The following SPIDR variants were observed in gnomAD, a reference collection of about 807,000 sequenced individuals.
SPIDR encodes the protein scaffold protein involved in DNA repair.
A neutral mutation model predicts 104.6 loss-of-function variants in SPIDR; 93 were observed. The observed-to-expected ratio is 0.89, with a 90% CI of 0.75 to 1.06. The LOEUF is 1.06. Among genes scored for constraint, SPIDR ranks in the 50% least tolerant of loss-of-function variants. The pLI is 0.00. For missense variants in SPIDR, 1,154 were observed against 1,111.2 expected (o/e 1.04, Z -0.55); for synonymous variants, 431 against 416.9 (o/e 1.03, Z -0.41).
chr8:47,446,419 A>G (rs1554701770), intron 8 of SPIDR, among the ~76,000 whole-genome samples: 1 of 152,064 alleles, frequency 6.6e-6, no homozygotes, highest in Non-Finnish European at 1.5e-5. Flanking sequence ...TTAAAATACT[A>G]CCCCTCATTG....
chr8:47,500,785 G>T (rs1005418391), intron 8 of SPIDR, among the ~76,000 whole-genome samples: 117 of 152,198 alleles, frequency 7.7e-4, no homozygotes, highest in African/African-American at 2.5e-3. Flanking sequence ...GGTCTAACAT[G>T]TAAGTCTTTA....
chr8:47,277,920 G>A (rs2036883436), intron 1 of SPIDR, among the ~76,000 whole-genome samples: 2 of 151,800 alleles, frequency 1.3e-5, no homozygotes, highest in African/African-American at 2.4e-5. Flanking sequence ...TGATTCGCCC[G>A]CCTTGGCCTC....
chr8:47,686,527 C>G (rs1209944147), intron 11 of SPIDR, among the ~76,000 whole-genome samples: 3 of 151,982 alleles, frequency 2.0e-5, no homozygotes, highest in African/African-American at 7.2e-5. Context: ...TTCATTTTAC[C>G]TTCAAACTAG....
intron 8 of SPIDR, among the ~76,000 whole-genome samples, chr8:47,483,128 G>GT (rs1351701761): frequency 3.3e-4 from 47 of 143,050 alleles, no homozygotes; most frequent in African/African-American, 5.0e-4. Flanking sequence ...TAGCTACTTG[G>GT]TTTTTTTTTG....
intron 8 of SPIDR, among the ~76,000 whole-genome samples, chr8:47,552,403 T>C (rs925107777): frequency 3.9e-5 from 6 of 152,124 alleles, no homozygotes; most frequent in African/African-American, 1.4e-4. Context: ...TGTGTGGGAG[T>C]CTAAGTCTCT....
chr8:47,315,548 C>T (rs1441198510), intron 5 of SPIDR, among the ~76,000 whole-genome samples: 4 of 151,992 alleles, frequency 2.6e-5, no homozygotes, highest in African/African-American at 4.8e-5. Flanking sequence ...CTGATTATAA[C>T]GTTTATATGA....
At chr8:47,360,267 A>G (rs1490814773) in intron 5 of SPIDR, among the ~76,000 whole-genome samples, 3 of 150,530 alleles carry the variant, frequency 2.0e-5, no homozygotes, top group Admixed American at 1.3e-4. Flanking sequence ...AAAAAAAAAA[A>G]AAAAGAAATA....
intron 10 of SPIDR, chr8:47,659,596 CCCCCGCCCCCAATGCGT>C (rs1445456044): frequency 2.6e-5 from 4 of 151,612 alleles, no homozygotes; most frequent in East Asian, 2.0e-4. Flanking sequence ...GTGGGCGAGG[CCCCCGCCCCCAATGCGT>C]CCCCGCCCCC....
At chr8:47,330,831 G>T (rs782794841) in intron 5 of SPIDR, 2 of 455,948 alleles carry the variant, frequency 4.4e-6, no homozygotes, top group East Asian at 6.9e-5. Context: ...GGAAGTTTCC[G>T]TGTGGAGATA....
chr8:47,297,473 A>G (rs2041082851), intron 5 of SPIDR, among the ~76,000 whole-genome samples: 1 of 151,678 alleles, frequency 6.6e-6, no homozygotes, highest in Non-Finnish European at 1.5e-5. Flanking sequence ...TTTTATTATT[A>G]TACTTTAAGT....
At chr8:47,700,541 G>C (rs1472243984) in intron 12 of SPIDR, 51 bp downstream of exon 12, 1 of 1,588,026 alleles carries the variant, frequency 6.3e-7, no homozygotes, top group Non-Finnish European at 8.6e-7. Context: ...CTCCATGCCA[G>C]GTGCCAAGCC....
At chr8:47,289,386 C>T (rs1049361505) in intron 3 of SPIDR, among the ~76,000 whole-genome samples, 31 of 151,746 alleles carry the variant, frequency 2.0e-4, no homozygotes, top group Admixed American at 1.8e-3. Context: ...TATCAAATAC[C>T]ATACTGCATA....
rs78396026 is a variant in SPIDR at position 47,373,341 on chromosome 8, A to T, written c.526-23035A>T. ...TATTAAACATTTCTGATCCAAGCAA[A>T]GTTTTACTTATAGTGTGGAGAAAAT... On this transcript the variant is annotated intron_variant, in intron 5 of 19. Coordinates refer to ENST00000297423, the MANE Select transcript of SPIDR (RefSeq NM_001080394.4). Among the ~76,000 whole-genome samples, 429 of 152,298 alleles carry T rather than the reference A, an allele frequency of 2.8e-3. 3 individuals carry two copies. Among genetic ancestry groups the T allele is most frequent in the East Asian group, 0.018 (95 of 5,182 alleles).
chr8:47,265,069 A>C (rs560597847), intron 1 of SPIDR, among the ~76,000 whole-genome samples: 2 of 151,864 alleles, frequency 1.3e-5, no homozygotes, highest in Non-Finnish European at 2.9e-5. Flanking sequence ...AAATTCTCAT[A>C]GTTATCTTGG....
At chr8:47,653,142 C>T (rs2071997974) in intron 10 of SPIDR, among the ~76,000 whole-genome samples, 1 of 152,162 alleles carries the variant, frequency 6.6e-6, no homozygotes, top group Admixed American at 6.5e-5. Context: ...GGTTTACAGG[C>T]TTTATTCCCT....
intron 11 of SPIDR, among the ~76,000 whole-genome samples, chr8:47,684,099 C>G (rs531325733): frequency 2.1e-5 from 3 of 140,736 alleles, no homozygotes; most frequent in Non-Finnish European, 3.0e-5. Flanking sequence ...TGCACTCCAG[C>G]CTGGGTGACA....
intron 6 of SPIDR, among the ~76,000 whole-genome samples, chr8:47,399,879 A>C (rs945638643): frequency 1.3e-5 from 2 of 152,158 alleles, no homozygotes; most frequent in African/African-American, 4.8e-5. Flanking sequence ...TAACGCTACT[A>C]GAGGTGATGA....
intron 5 of SPIDR, among the ~76,000 whole-genome samples, chr8:47,391,995 CAAAA>C (rs556134389): frequency 2.2e-5 from 1 of 46,492 alleles, no homozygotes. Flanking sequence ...GACTCCGTCT[CAAAA>C]AAAAAAAAAA....
intron 5 of SPIDR, among the ~76,000 whole-genome samples, chr8:47,307,264 A>G (rs1401113253): frequency 2.7e-5 from 4 of 149,462 alleles, no homozygotes; most frequent in African/African-American, 9.9e-5. Flanking sequence ...TCTATCGCCC[A>G]GGCTGGAGTG....
Sources: allele counts gnomAD v4.1 joint callset (sites outside exome capture counted in the v4.1 genomes callset), GRCh38; gene constraint gnomAD v4.1.1; transcripts MANE v1.5; gene names NCBI Gene and HGNC (gene_info 2026-07-23, HGNC 2026-07-21).